The following ZC3H12B variants were observed in gnomAD, a reference collection of about 807,000 sequenced individuals.
The protein encoded by ZC3H12B is probable ribonuclease ZC3H12B.
In ZC3H12B, 7 loss-of-function variants were observed where a neutral mutation model predicts 43.9. The ratio of observed to expected loss-of-function variants is 0.16; its 90% CI spans 0.09 to 0.30. ZC3H12B has a LOEUF of 0.30. ZC3H12B is among the 10% of genes least tolerant of loss of function. ZC3H12B has a pLI of 1.00. For synonymous variants in ZC3H12B, 222 were observed against 241.7 expected, an observed-to-expected ratio of 0.92 and a Z score of 0.76; for missense variants, 475 against 670.2, an observed-to-expected ratio of 0.71 and a Z score of 3.22.
At chrX:65,283,162 G>T in the ZC3H12B span, among the ~76,000 whole-genome samples, 1 of 110,791 alleles carries the variant, frequency 9.0e-6, no homozygotes, top group Admixed American at 9.6e-5. Context: ...TGCGAGGCTG[G>T]TTCAACATAT....
chrX:65,488,774 T>G lies in ZC3H12B; in HGVS notation c.-28T>G, dbSNP rs1168031375. The G allele has an allele frequency of 3.5e-6, 4 of 1,132,097 alleles. No individual in the cohort carries two copies. In the Admixed American group the frequency reaches 1.3e-4, roughly 37 times the overall value. The allele number at this position is 1,132,097 out of a possible 1,213,427, so 93.3% of individuals were successfully genotyped here. A position where few individuals can be genotyped will look rare whatever the true frequency, so the allele number is the denominator to read the frequency against. On this transcript the variant is annotated 5_prime_UTR_variant, in exon 1 of 5. Transcript: ENST00000338957. ...GCAGGCTAAAAAGAAAAAGAACTGATTAGACCTCAGACGACCCACTAAACG... is the reference window on the plus strand; with the variant it reads ...GCAGGCTAAAAAGAAAAAGAACTGAGTAGACCTCAGACGACCCACTAAACG...
intron 2 of ZC3H12B, among the ~76,000 whole-genome samples, chrX:65,388,462 T>C (rs1340267166): frequency 8.9e-6 from 1 of 112,321 alleles, no homozygotes; most frequent in Non-Finnish European, 1.9e-5. Flanking sequence ...ATTCATCACG[T>C]AGTTCTCGTG....
the ZC3H12B span, among the ~76,000 whole-genome samples, chrX:65,288,367 A>G: frequency 8.9e-6 from 1 of 111,747 alleles, no homozygotes; most frequent in Admixed American, 9.6e-5. Context: ...AGAAAACTGC[A>G]GGCCAATATC....
the ZC3H12B span, among the ~76,000 whole-genome samples, chrX:65,184,701 C>T: frequency 9.0e-6 from 1 of 111,156 alleles, no homozygotes; most frequent in South Asian, 3.8e-4. Context: ...CAAATCACAT[C>T]TAAAAAGAGA....
chrX:65,401,876 T>C (rs777589946), intron 3 of ZC3H12B, among the ~76,000 whole-genome samples: 1 of 111,988 alleles, frequency 8.9e-6, no homozygotes, highest in East Asian at 2.8e-4. Context: ...GAGCCAGTCT[T>C]GGCAGCATTT....
At chrX:65,374,070 ATATATAAC>A (rs1415480468) in intron 2 of ZC3H12B, among the ~76,000 whole-genome samples, 3 of 63,210 alleles carry the variant, frequency 4.7e-5, no homozygotes, top group African/African-American at 1.7e-4. Context: ...TATATACAGT[ATATATAAC>A]TATATATAGT....
the ZC3H12B span, among the ~76,000 whole-genome samples, chrX:65,312,893 G>T: frequency 6.3e-5 from 7 of 111,145 alleles, no homozygotes; most frequent in Non-Finnish European, 9.4e-5. Context: ...TTTTTTGTTT[G>T]TTTTTTGAGA....
the ZC3H12B span, among the ~76,000 whole-genome samples, chrX:65,277,178 A>G: frequency 1.8e-5 from 2 of 112,145 alleles, no homozygotes; most frequent in Non-Finnish European, 3.8e-5. Flanking sequence ...ACAGTTGTAA[A>G]TATATGTGTA....
intron 3 of ZC3H12B, among the ~76,000 whole-genome samples, chrX:65,445,048 A>G (rs1010572121): frequency 8.9e-6 from 1 of 111,925 alleles, no homozygotes; most frequent in African/African-American, 3.2e-5. Context: ...ATTTCCTCTT[A>G]GTTTTTAAAA....
At chrX:65,250,357 T>A in the ZC3H12B span, among the ~76,000 whole-genome samples, 1 of 112,130 alleles carries the variant, frequency 8.9e-6, no homozygotes, top group Non-Finnish European at 1.9e-5. Context: ...TTGGGTTGGT[T>A]CCAAATCTTT....
intron 2 of ZC3H12B, among the ~76,000 whole-genome samples, chrX:65,375,608 C>T (rs1049255731): frequency 9.0e-6 from 1 of 111,726 alleles, no homozygotes; most frequent in Non-Finnish European, 1.9e-5. Flanking sequence ...AGCTCAGCCA[C>T]AGTACGGTGG....
the ZC3H12B span, among the ~76,000 whole-genome samples, chrX:65,107,366 A>G: frequency 9.0e-6 from 1 of 111,357 alleles, no homozygotes; most frequent in Non-Finnish European, 1.9e-5. Context: ...GTCAGTGTTA[A>G]CAAAGAGGCT....
the ZC3H12B span, among the ~76,000 whole-genome samples, chrX:65,057,911 C>T: frequency 8.0e-5 from 9 of 112,054 alleles, no homozygotes; most frequent in Non-Finnish European, 1.5e-4. Context: ...TCCTAGCTGT[C>T]GTGCCATGGT....
At chrX:65,048,112 A>G in the ZC3H12B span, among the ~76,000 whole-genome samples, 1 of 111,115 alleles carries the variant, frequency 9.0e-6, no homozygotes, top group Non-Finnish European at 1.9e-5. Flanking sequence ...CAATTTGATT[A>G]CTTTTATGTA....
chrX:65,395,349 C>A (rs1324692773), intron 2 of ZC3H12B, among the ~76,000 whole-genome samples: 1 of 111,759 alleles, frequency 8.9e-6, no homozygotes, highest in Non-Finnish European at 1.9e-5. Flanking sequence ...GGGTTTGTCA[C>A]AAATAGCTCT....
chrX:65,451,095 A>C (rs13440669), intron 3 of ZC3H12B, among the ~76,000 whole-genome samples: 2,073 of 108,083 alleles, frequency 0.019, 56 homozygotes, highest in African/African-American at 0.067. Context: ...TTACAGGCGC[A>C]TGCCACCATG....
the ZC3H12B span, among the ~76,000 whole-genome samples, chrX:65,245,476 C>G: frequency 8.9e-6 from 1 of 111,809 alleles, no homozygotes; most frequent in Admixed American, 9.5e-5. Context: ...AGCAGCATAT[C>G]AAAAAGCTTA....
the ZC3H12B span, among the ~76,000 whole-genome samples, chrX:65,315,701 T>G: frequency 8.9e-6 from 1 of 111,984 alleles, no homozygotes; most frequent in African/African-American, 3.2e-5. Flanking sequence ...TGAAGGAACA[T>G]CAGGCCACAC....
upstream of ZC3H12B, among the ~76,000 whole-genome samples, chrX:65,484,008 G>A (rs2068094777): frequency 8.9e-6 from 1 of 111,938 alleles, no homozygotes; most frequent in Admixed American, 9.5e-5. Flanking sequence ...ATCACTGATG[G>A]GCATTTAAGT....
Sources: gnomAD v4.1 joint callset for allele counts (sites outside exome capture counted in the v4.1 genomes callset) on GRCh38, gnomAD v4.1.1 for gene constraint, MANE v1.5 for transcripts, NCBI Gene and HGNC (gene_info 2026-07-23, HGNC 2026-07-21) for gene names.